The following TENM4 variants were observed in gnomAD, a reference collection of about 807,000 sequenced individuals.
TENM4 encodes the protein teneurin-4.
In TENM4, 82 loss-of-function variants were observed where a neutral mutation model predicts 243.3. The ratio of observed to expected loss-of-function variants is 0.34; its 90% CI spans 0.28 to 0.40. The LOEUF is 0.40. Among genes scored for constraint, TENM4 ranks in the 10% least tolerant of loss-of-function variants. TENM4 has a pLI of 1.00. For missense variants in TENM4, 3,138 were observed against 3,673.3 expected (o/e 0.85, Z 3.77); for synonymous variants, 1,412 against 1,456.3 (o/e 0.97, Z 0.69).
intron 25 of TENM4, among the ~76,000 whole-genome samples, chr11:78,716,673 A>G (rs1565346542): frequency 6.6e-6 from 1 of 152,224 alleles, no homozygotes; most frequent in Non-Finnish European, 1.5e-5. Flanking sequence ...GTGGGCATCT[A>G]TACCTTTGAG....
intron 1 of TENM4, among the ~76,000 whole-genome samples, chr11:79,394,884 T>C (rs988842647): frequency 1.3e-5 from 2 of 152,106 alleles, no homozygotes; most frequent in Non-Finnish European, 2.9e-5. Context: ...ACTGGACTTA[T>C]CAGCTGCAAG....
At chr11:79,149,928 C>A (rs1202894216) in intron 3 of TENM4, among the ~76,000 whole-genome samples, 1 of 152,162 alleles carries the variant, frequency 6.6e-6, no homozygotes, top group Admixed American at 6.5e-5. Context: ...ATGCCCTACA[C>A]TGATAAAGTA....
intron 2 of TENM4, among the ~76,000 whole-genome samples, chr11:79,239,116 T>C (rs1864539306): frequency 6.6e-6 from 1 of 152,174 alleles, no homozygotes; most frequent in Non-Finnish European, 1.5e-5. Context: ...AAGGACATGA[T>C]GCCATCAAGT....
At chr11:78,836,365 AAAAC>A (rs1270473187) in intron 12 of TENM4, among the ~76,000 whole-genome samples, 1 of 152,216 alleles carries the variant, frequency 6.6e-6, no homozygotes, top group Non-Finnish European at 1.5e-5. Flanking sequence ...AGTAAACAAA[AAAAC>A]AAGAAAAAAA....
intron 28 of TENM4, among the ~76,000 whole-genome samples, chr11:78,695,593 C>T (rs1229353567): frequency 6.6e-6 from 1 of 152,024 alleles, no homozygotes; most frequent in Admixed American, 6.5e-5. Flanking sequence ...GAACTCCTGA[C>T]CTCAGGTGAT....
At chr11:79,413,828 T>C (rs1259299099) in intron 1 of TENM4, among the ~76,000 whole-genome samples, 1 of 152,080 alleles carries the variant, frequency 6.6e-6, no homozygotes, top group African/African-American at 2.4e-5. Flanking sequence ...CTTTTAGAAG[T>C]GGCATGCTAA....
At chr11:79,434,163 A>G (rs563174154) in intron 1 of TENM4, among the ~76,000 whole-genome samples, 112 of 152,234 alleles carry the variant, frequency 7.4e-4, no homozygotes, top group Non-Finnish European at 1.4e-3. Flanking sequence ...TGAACCATGC[A>G]AAGAGGGGAC....
intron 7 of TENM4, among the ~76,000 whole-genome samples, chr11:78,896,934 G>T (rs1297172219): frequency 6.6e-6 from 1 of 152,160 alleles, no homozygotes; most frequent in Admixed American, 6.5e-5. Flanking sequence ...AGCCCTGACT[G>T]CTATCCTTTG....
rs1344983115 is a variant in TENM4, at chr11:78,889,945, G to A, written c.924C>T (p.Ser308=). ...TTSPGYPLTS[S]TVYSPPPRPL... ...GTCGGGGCGGAGGAGAGTACACTGT[G>A]CTGGACGTCAGTGGGTACCCTGGTG... The change falls in exon 9 of 34, where the codon AGC becomes AGT. Residue 308 remains serine, a synonymous_variant. Transcript: ENST00000278550. The A allele has an allele frequency of 1.2e-5, 18 of 1,551,600 alleles. No homozygotes were observed. Among genetic ancestry groups the A allele is most frequent in the African/African-American group, 1.4e-5 (1 of 73,046 alleles).
chr11:78,683,866 G>T (rs1276871861), intron 29 of TENM4, among the ~76,000 whole-genome samples: 1 of 152,190 alleles, frequency 6.6e-6, no homozygotes, highest in African/African-American at 2.4e-5. Flanking sequence ...AATACACATA[G>T]AGTTTCTTTC....
intron 23 of TENM4, 49 bp from the exon 24 acceptor site, chr11:78,722,966 C>A (rs1855430923): frequency 6.3e-7 from 1 of 1,598,350 alleles, no homozygotes; most frequent in Non-Finnish European, 8.6e-7. Flanking sequence ...AAATGGGTAT[C>A]TTTTCCTGTG....
At chr11:79,101,102 G>A (rs1861220136) in intron 4 of TENM4, among the ~76,000 whole-genome samples, 1 of 152,170 alleles carries the variant, frequency 6.6e-6, no homozygotes, top group African/African-American at 2.4e-5. Flanking sequence ...GGTATTGGGG[G>A]CCATCCCCAG....
At chr11:78,738,639 C>A in intron 19 of TENM4, 69 bp from the exon 20 acceptor site, 1 of 1,529,464 alleles carries the variant, frequency 6.5e-7, no homozygotes, top group Non-Finnish European at 8.8e-7. Flanking sequence ...GGCAGGGAAC[C>A]CCGAGAGGCC....
intron 4 of TENM4, among the ~76,000 whole-genome samples, chr11:79,138,385 A>T (rs1308054042): frequency 8.3e-6 from 1 of 120,810 alleles, no homozygotes; most frequent in African/African-American, 3.3e-5. Context: ...AATATATATT[A>T]TATAATATAG....
At chr11:79,118,530 C>T (rs10793362) in intron 4 of TENM4, among the ~76,000 whole-genome samples, 98,861 of 151,950 alleles carry the variant, frequency 0.65, 34,275 homozygotes, top group Non-Finnish European at 0.8. Context: ...ATTGAAACTC[C>T]ATACCCATTA....
At chr11:79,086,794 A>G (rs942037049) in intron 4 of TENM4, among the ~76,000 whole-genome samples, 4 of 140,334 alleles carry the variant, frequency 2.9e-5, no homozygotes, top group Admixed American at 2.3e-4. Context: ...GGATCATTCC[A>G]TTGCACTCCA....
At chr11:79,320,459 A>T (rs1856869877) in intron 1 of TENM4, among the ~76,000 whole-genome samples, 1 of 152,196 alleles carries the variant, frequency 6.6e-6, no homozygotes, top group Admixed American at 6.5e-5. Flanking sequence ...TTTTTACATA[A>T]ATGATGTGAC....
intron 1 of TENM4, among the ~76,000 whole-genome samples, chr11:79,399,853 T>C (rs906003644): frequency 1.3e-5 from 2 of 152,114 alleles, no homozygotes; most frequent in Non-Finnish European, 2.9e-5. Context: ...CTTGTCGGTG[T>C]TGTTGTGCGG....
At chr11:79,305,669 G>A (rs1365562564) in intron 1 of TENM4, among the ~76,000 whole-genome samples, 1 of 152,232 alleles carries the variant, frequency 6.6e-6, no homozygotes, top group Non-Finnish European at 1.5e-5. Context: ...CCAGCTTCTA[G>A]CAATGCGGTC....
Sources: allele counts gnomAD v4.1 joint callset (sites outside exome capture counted in the v4.1 genomes callset), GRCh38; gene constraint gnomAD v4.1.1; transcripts MANE v1.5; gene names NCBI Gene and HGNC (gene_info 2026-07-23, HGNC 2026-07-21).